The following LEKR1 variants were observed in gnomAD, a reference collection of about 807,000 sequenced individuals.
LEKR1 encodes the protein protein LEKR1.
A neutral mutation model predicts 72.4 loss-of-function variants in LEKR1; 59 were observed. The ratio of observed to expected loss-of-function variants is 0.82; its 90% CI spans 0.66 to 1.01. The LOEUF (loss-of-function observed/expected upper bound fraction) is 1.01, where lower values mean the gene tolerates loss of function less well. Among genes scored for constraint, LEKR1 ranks in the 50% least tolerant of loss-of-function variants. LEKR1 has a pLI of 0.00. For synonymous variants in LEKR1, 257 were observed against 263.2 expected (o/e 0.98, Z 0.23); for missense variants, 728 against 759.2 (o/e 0.96, Z 0.48).
rs544672006 is a variant in LEKR1, at chr3:156,856,751, C to T, written c.263+3769C>T. On this transcript the variant is annotated intron_variant, in intron 3 of 12. Coordinates refer to ENST00000356539, the MANE Select transcript of LEKR1 (RefSeq NM_001004316.3). The stretch of plus-strand genomic sequence containing the variant: ...GCTATTTATTTCTGTAGCTAGCTTC[C>T]TCATTGAATTCTTTTATTAGTTGTT... Among the ~76,000 whole-genome samples, 8 of 151,974 alleles carry T rather than the reference C, an allele frequency of 5.3e-5. No homozygotes were observed. In the South Asian group the frequency reaches 1.7e-3, roughly 32 times the overall value.
intron 3 of LEKR1, among the ~76,000 whole-genome samples, chr3:156,902,143 GCACT>G (rs1722099968): frequency 6.6e-6 from 1 of 151,572 alleles, no homozygotes; most frequent in Admixed American, 6.6e-5. Context: ...TATTTCAAGT[GCACT>G]CACTCTTTTC....
At chr3:157,011,359 A>T in intron 9 of LEKR1, 54 bp from the exon 10 acceptor site, 1 of 1,204,992 alleles carries the variant, frequency 8.3e-7, no homozygotes, top group East Asian at 2.3e-5. Context: ...ACTACAACTT[A>T]GGAATTGTGT....
chr3:156,900,850 A>C (rs1426785074), intron 3 of LEKR1, among the ~76,000 whole-genome samples: 1 of 152,194 alleles, frequency 6.6e-6, no homozygotes. Context: ...TGAAGTGAAG[A>C]GCATACAATA....
chr3:156,918,931 G>A (rs1237593731), intron 3 of LEKR1, among the ~76,000 whole-genome samples: 3 of 152,138 alleles, frequency 2.0e-5, no homozygotes, highest in Non-Finnish European at 4.4e-5. Flanking sequence ...TTGTTGCGAG[G>A]TACGGCCTCA....
chr3:156,839,662 A>G (rs902015814), intron 2 of LEKR1, among the ~76,000 whole-genome samples: 1 of 152,180 alleles, frequency 6.6e-6, no homozygotes, highest in Non-Finnish European at 1.5e-5. Context: ...TTTTTTCTGA[A>G]TCAGTGCAGA....
At chr3:156,965,274 T>C (rs1728467495) in intron 6 of LEKR1, among the ~76,000 whole-genome samples, 1 of 152,132 alleles carries the variant, frequency 6.6e-6, no homozygotes. Context: ...CCTTTCATAA[T>C]TTGTCATATT....
At chr3:157,001,354 TTGTGG>T (rs1255530535) in intron 9 of LEKR1, among the ~76,000 whole-genome samples, 1 of 152,046 alleles carries the variant, frequency 6.6e-6, no homozygotes, top group African/African-American at 2.4e-5. Context: ...GAGGCAGGAG[TTGTGG>T]CAAAATCAAA....
chr3:156,965,322 T>C (rs6763233), intron 6 of LEKR1, among the ~76,000 whole-genome samples: 23,819 of 152,172 alleles, frequency 0.16, 2,132 homozygotes, highest in South Asian at 0.25. Context: ...CTTCATGTTA[T>C]ATTGGGTTGT....
At chr3:156,988,998 A>T (rs1288056897) in intron 7 of LEKR1, among the ~76,000 whole-genome samples, 1 of 151,690 alleles carries the variant, frequency 6.6e-6, no homozygotes, top group Non-Finnish European at 1.5e-5. Flanking sequence ...CACCCGGCTA[A>T]TTTTTTGTAT....
chr3:156,850,765 A>G (rs1715255436), intron 2 of LEKR1, among the ~76,000 whole-genome samples: 1 of 152,168 alleles, frequency 6.6e-6, no homozygotes. Flanking sequence ...TGGCTAGGGT[A>G]GATAGGTGGA....
intron 3 of LEKR1, among the ~76,000 whole-genome samples, chr3:156,880,649 A>C (rs1416267839): frequency 6.6e-6 from 1 of 152,240 alleles, no homozygotes; most frequent in Non-Finnish European, 1.5e-5. Context: ...AACTCATTTT[A>C]TGAGGCCAAC....
At chr3:156,844,428 A>G (rs1437298479) in intron 2 of LEKR1, among the ~76,000 whole-genome samples, 1 of 152,166 alleles carries the variant, frequency 6.6e-6, no homozygotes, top group Admixed American at 6.5e-5. Context: ...CAGGATATTG[A>G]CAATTGATAC....
At chr3:156,859,045 G>A (rs1327505946) in intron 3 of LEKR1, among the ~76,000 whole-genome samples, 1 of 152,058 alleles carries the variant, frequency 6.6e-6, no homozygotes, top group Non-Finnish European at 1.5e-5. Context: ...CGTATTAAGA[G>A]TTTAATAAAC....
intron 6 of LEKR1, among the ~76,000 whole-genome samples, chr3:156,957,459 A>G (rs1301995431): frequency 6.7e-6 from 1 of 149,650 alleles, no homozygotes; most frequent in Non-Finnish European, 1.5e-5. Flanking sequence ...TTAGCAATAA[A>G]CTATCTTCAA....
At chr3:156,865,155 G>A (rs1312158919) in intron 3 of LEKR1, among the ~76,000 whole-genome samples, 2 of 151,916 alleles carry the variant, frequency 1.3e-5, no homozygotes, top group Non-Finnish European at 2.9e-5. Context: ...CTACTCTTGT[G>A]TTCCTAACTT....
chr3:156,864,295 A>G (rs1717076947), intron 3 of LEKR1, among the ~76,000 whole-genome samples: 2 of 151,828 alleles, frequency 1.3e-5, no homozygotes, highest in Admixed American at 1.3e-4. Context: ...TTATCCTTCC[A>G]TCGTATCAGC....
At chr3:156,939,302 T>C (rs191944586) in intron 5 of LEKR1, among the ~76,000 whole-genome samples, 78 of 152,306 alleles carry the variant, frequency 5.1e-4, no homozygotes, top group African/African-American at 1.7e-3. Context: ...GGCAGCCACC[T>C]GCAAGCCAAG....
Position 157,011,412 on chromosome 3 carries a change from G to A in LEKR1, c.1110-1G>A, listed in dbSNP as rs755069110. 1.2e-6 allele frequency: 2 copies of A among 1,610,068 alleles called. No homozygotes were observed. Among genetic ancestry groups the A allele is most frequent in the South Asian group, 2.2e-5 (2 of 90,962 alleles). On this transcript the variant is annotated splice_acceptor_variant, in intron 9 of 12. Coordinates refer to ENST00000356539, the MANE Select transcript of LEKR1 (RefSeq NM_001004316.3). LOFTEE classifies it high-confidence loss of function. Reference sequence around the variant, plus strand: ...TCATTTGTCGGGTTTGTGATTTTCAGGGAATTGATGCTGATTTCACATCAG... The same window carrying A: ...TCATTTGTCGGGTTTGTGATTTTCAAGGAATTGATGCTGATTTCACATCAG...
At chr3:156,849,043 A>G (rs538166197) in intron 2 of LEKR1, among the ~76,000 whole-genome samples, 1 of 152,286 alleles carries the variant, frequency 6.6e-6, no homozygotes, top group East Asian at 1.9e-4. Context: ...TAACCTGATA[A>G]GCAACTTCAG....
Sources: allele counts gnomAD v4.1 joint callset (sites outside exome capture counted in the v4.1 genomes callset), GRCh38; gene constraint gnomAD v4.1.1; transcripts MANE v1.5; gene names NCBI Gene and HGNC (gene_info 2026-07-23, HGNC 2026-07-21).